The following GLIS3 variants were observed in gnomAD, a reference collection of about 807,000 sequenced individuals.
GLIS3 encodes GLIS family zinc finger 3.
GLIS3 carries 53 observed loss-of-function variants against 78.6 expected under a neutral mutation model. The observed-to-expected ratio is 0.67, with a 90% CI of 0.54 to 0.85. GLIS3 has a LOEUF of 0.85. Ranked by LOEUF, GLIS3 falls within the 40% of genes least tolerant of loss-of-function variation. GLIS3 has a pLI of 0.00. For synonymous variants in GLIS3, 684 were observed against 509.9 expected (o/e 1.34, Z -4.60); for missense variants, 1,703 against 1,231.1 (o/e 1.38, Z -5.74).
intron 4 of GLIS3, among the ~76,000 whole-genome samples, chr9:3,976,261 G>A (rs796757065): frequency 4.6e-5 from 7 of 152,084 alleles, no homozygotes; most frequent in African/African-American, 1.7e-4. Flanking sequence ...TGAGAGGGGA[G>A]GCAGGTTACC....
intron 4 of GLIS3, chr9:4,081,278 G>A (rs1828534768): frequency 6.6e-6 from 1 of 152,252 alleles, no homozygotes; most frequent in Admixed American, 6.5e-5. Flanking sequence ...CCAGGCCTCT[G>A]CAGTCCTTTG....
At chr9:4,259,375 A>C (rs1360398811) in intron 2 of GLIS3, among the ~76,000 whole-genome samples, 2 of 152,098 alleles carry the variant, frequency 1.3e-5, no homozygotes, top group Non-Finnish European at 2.9e-5. Context: ...GGGGGATTGA[A>C]AACAGATCCT....
chr9:4,118,662 G>A lies in GLIS3; in HGVS notation c.816C>T (p.Tyr272=), dbSNP rs146156900. Residue 272 remains tyrosine (Y), a synonymous_variant, in exon 4 of 11, where the codon TAC becomes TAT. Transcript: ENST00000381971. The surrounding 1 kb of genome is among the most constrained non-coding windows in gnomAD (Gnocchi z 4.7). ...AGTGGCTACTTTCCGTGCCAAAAAG[G>A]TAGGATGGTAATGAGTTAGAGACAC... The part of the protein sequence containing the change: ...SNSVSNSLPS[Y]LFGTESSHSP... 5 of 1,614,062 alleles carry A rather than the reference G, an allele frequency of 3.1e-6. No homozygotes were observed. The African/African-American group carries it at 4.0e-5, about 13-fold the overall frequency.
the GLIS3 span, among the ~76,000 whole-genome samples, chr9:4,355,702 G>C: frequency 6.6e-6 from 1 of 152,154 alleles, no homozygotes; most frequent in South Asian, 2.1e-4. Context: ...CTTGGCTAAT[G>C]TCATATAGTT....
At chr9:4,091,544 C>T (rs1829504943) in intron 4 of GLIS3, among the ~76,000 whole-genome samples, 1 of 151,926 alleles carries the variant, frequency 6.6e-6, no homozygotes, top group Non-Finnish European at 1.5e-5. Context: ...CACACACACA[C>T]ACAACCACAT....
At chr9:4,284,768 A>G (rs949191494) in intron 2 of GLIS3, among the ~76,000 whole-genome samples, 11 of 151,720 alleles carry the variant, frequency 7.3e-5, no homozygotes, top group African/African-American at 2.7e-4. Context: ...GAAAAAAAAA[A>G]TTAGCCAGGC....
At chr9:4,117,008 A>G (rs1336160103) in intron 4 of GLIS3, among the ~76,000 whole-genome samples, 1 of 152,186 alleles carries the variant, frequency 6.6e-6, no homozygotes, top group Non-Finnish European at 1.5e-5. Flanking sequence ...CAAAAATAGT[A>G]AATTTTGCCA....
the GLIS3 span, among the ~76,000 whole-genome samples, chr9:4,418,756 AG>A: frequency 2.0e-5 from 3 of 152,176 alleles, no homozygotes; most frequent in African/African-American, 7.2e-5. Flanking sequence ...AATTGGAGGG[AG>A]GAAAAATCTT....
intron 4 of GLIS3, among the ~76,000 whole-genome samples, chr9:3,986,835 C>A (rs1819777794): frequency 6.6e-6 from 1 of 152,244 alleles, no homozygotes; most frequent in African/African-American, 2.4e-5. Flanking sequence ...CTAAACTTAA[C>A]AGGGTGTCTG....
chr9:4,318,653 T>C (rs913964176), intron 2 of GLIS3, among the ~76,000 whole-genome samples: 33 of 152,068 alleles, frequency 2.2e-4, no homozygotes, highest in Non-Finnish European at 5.9e-5. Context: ...AAGTAAATAA[T>C]GGGGAAGAGA....
chr9:4,266,522 C>T (rs1416149204), intron 2 of GLIS3, among the ~76,000 whole-genome samples: 1 of 151,904 alleles, frequency 6.6e-6, no homozygotes, highest in Non-Finnish European at 1.5e-5. Context: ...TATTAAGGTA[C>T]CACTGGTTCT....
intron 4 of GLIS3, among the ~76,000 whole-genome samples, chr9:4,052,334 A>T (rs941456260): frequency 2.0e-5 from 3 of 152,168 alleles, no homozygotes; most frequent in African/African-American, 7.2e-5. Context: ...TTGTGGTAAA[A>T]TTCATGTTAA....
chr9:3,902,480 T>G (rs1823381054), intron 6 of GLIS3, among the ~76,000 whole-genome samples: 1 of 152,222 alleles, frequency 6.6e-6, no homozygotes, highest in East Asian at 1.9e-4. Flanking sequence ...AACTATTTAT[T>G]TAAAAAACTG....
At chr9:4,153,608 CTAAA>C (rs1368331723) in intron 2 of GLIS3, among the ~76,000 whole-genome samples, 2 of 152,008 alleles carry the variant, frequency 1.3e-5, no homozygotes, top group African/African-American at 4.8e-5. Flanking sequence ...ACTAATTAAA[CTAAA>C]TAAAGAAAGA....
At chr9:3,836,759 C>G (rs933093979) in intron 9 of GLIS3, among the ~76,000 whole-genome samples, 1 of 152,200 alleles carries the variant, frequency 6.6e-6, no homozygotes, top group South Asian at 2.1e-4. Flanking sequence ...ACCAGGGTTG[C>G]TGTTTCCCCC....
chr9:4,140,719 G>A (rs942506322), intron 2 of GLIS3, among the ~76,000 whole-genome samples: 2 of 151,928 alleles, frequency 1.3e-5, no homozygotes, highest in East Asian at 1.9e-4. Flanking sequence ...AAAATTCAGC[G>A]AGCTATTATT....
intron 2 of GLIS3, among the ~76,000 whole-genome samples, chr9:4,263,312 G>C (rs755855283): frequency 2.0e-5 from 3 of 152,150 alleles, no homozygotes; most frequent in Non-Finnish European, 4.4e-5. Context: ...TCACTCTACA[G>C]TATAATGTAG....
the GLIS3 span, among the ~76,000 whole-genome samples, chr9:4,362,780 G>A: frequency 6.6e-6 from 1 of 152,140 alleles, no homozygotes; most frequent in Non-Finnish European, 1.5e-5. Flanking sequence ...CACAAATAGA[G>A]CAAACTCTGC....
chr9:4,287,456 C>T lies in GLIS3; in HGVS notation c.-98-933G>A, dbSNP rs144218237. 3.9e-3 allele frequency among the ~76,000 whole-genome samples: 599 copies of T among 152,336 alleles called. 2 individuals are homozygous for T. Among genetic ancestry groups the T allele is most frequent in the South Asian group, 7.1e-3 (34 of 4,822 alleles). On this transcript the variant is annotated intron_variant, in intron 1 of 10. Coordinates refer to ENST00000381971, the MANE Select transcript of GLIS3 (RefSeq NM_001042413.2). ...AAATCACTAAAGAAGGCCCCTCCTT[C>T]CCTTGACCAATAGCTCCCCAAAATG...
Sources: allele counts gnomAD v4.1 joint callset (sites outside exome capture counted in the v4.1 genomes callset), GRCh38; gene constraint gnomAD v4.1.1; non-coding constraint Gnocchi (gnomAD v3.1); transcripts MANE v1.5; gene names NCBI Gene and HGNC (gene_info 2026-07-23, HGNC 2026-07-21).